PLXDC2: variants seen among roughly 807,000 people sequenced by gnomAD.
The protein encoded by PLXDC2 is plexin domain-containing protein 2.
PLXDC2 carries 40 observed loss-of-function variants against 68.9 expected under a neutral mutation model. The ratio of observed to expected loss-of-function variants is 0.58; its 90% CI spans 0.45 to 0.76. PLXDC2 has a LOEUF of 0.76. Among genes scored for constraint, PLXDC2 ranks in the 30% least tolerant of loss-of-function variants. The probability of loss-of-function intolerance (pLI) is 0.00; values close to 1 mark genes in which losing one functional copy is unlikely to be tolerated. For synonymous variants in PLXDC2, 243 were observed against 234.2 expected, an observed-to-expected ratio of 1.04 and a Z score of -0.34; for missense variants, 644 against 661.9, an observed-to-expected ratio of 0.97 and a Z score of 0.30.
At chr10:19,847,520 A>G (rs188959525) in intron 1 of PLXDC2, among the ~76,000 whole-genome samples, 1 of 152,056 alleles carries the variant, frequency 6.6e-6, no homozygotes, top group South Asian at 2.1e-4. Context: ...TATAAGAAGA[A>G]CTCTGGGCTT....
At chr10:19,829,027 A>G (rs1836629882) in intron 1 of PLXDC2, among the ~76,000 whole-genome samples, 1 of 152,064 alleles carries the variant, frequency 6.6e-6, no homozygotes, top group South Asian at 2.1e-4. Context: ...TGCTGAAGGT[A>G]TCTGGTCCTG....
chr10:19,883,681 T>G (rs1266701538), intron 1 of PLXDC2, among the ~76,000 whole-genome samples: 5 of 150,900 alleles, frequency 3.3e-5, no homozygotes, highest in Middle Eastern at 3.5e-3. Flanking sequence ...TGTTTCTTTC[T>G]GCTTTCTTCA....
intron 1 of PLXDC2, among the ~76,000 whole-genome samples, chr10:19,906,518 T>C (rs965020677): frequency 1.3e-5 from 2 of 152,168 alleles, no homozygotes; most frequent in African/African-American, 4.8e-5. Context: ...TAGTTGCCTG[T>C]TACATGACTC....
intron 4 of PLXDC2, among the ~76,000 whole-genome samples, chr10:20,070,363 G>A (rs1836295107): frequency 6.6e-6 from 1 of 152,160 alleles, no homozygotes. Context: ...TCAACCCAAG[G>A]AAAAGGAATC....
At chr10:19,818,189 C>A (rs1160979991) in intron 1 of PLXDC2, among the ~76,000 whole-genome samples, 1 of 151,882 alleles carries the variant, frequency 6.6e-6, no homozygotes, top group Non-Finnish European at 1.5e-5. Flanking sequence ...CGAAAACTTT[C>A]TCCCTAGGAT....
chr10:19,959,147 T>A (rs34038979), intron 1 of PLXDC2, among the ~76,000 whole-genome samples: 33,885 of 152,124 alleles, frequency 0.22, 4,531 homozygotes, highest in East Asian at 0.46. Flanking sequence ...CCTGAGATGT[T>A]GAGCAGTTTA....
intron 7 of PLXDC2, among the ~76,000 whole-genome samples, chr10:20,172,039 C>T (rs776995223): frequency 6.6e-6 from 1 of 151,746 alleles, no homozygotes; most frequent in Non-Finnish European, 1.5e-5. Flanking sequence ...GCACAGACTT[C>T]ACTACTACAC....
intron 1 of PLXDC2, among the ~76,000 whole-genome samples, chr10:19,925,962 G>A (rs774679418): frequency 2.6e-5 from 4 of 152,198 alleles, no homozygotes; most frequent in Non-Finnish European, 5.9e-5. Flanking sequence ...TGGCATTAGA[G>A]AGCTCCCACA....
At position 20,218,975 on chromosome 10, in the gene PLXDC2, G is replaced by A; in HGVS notation, c.1274-89G>A. ...AAAATCTAGTCATGTTCCGACCAAG[G>A]CAGTTAGTAGACAATTACTAGTCAT... is the stretch of plus-strand genomic sequence containing the variant. On this transcript the variant is annotated intron_variant, in intron 11 of 13. Coordinates refer to ENST00000377252, the MANE Select transcript of PLXDC2 (RefSeq NM_032812.9). 3.6e-6 allele frequency: 5 copies of A among 1,398,544 alleles called. No individual in the cohort carries two copies. The Admixed American group carries it at 8.2e-5, about 23-fold the overall frequency. 86.6% of individuals were successfully genotyped at this position (1,398,544 alleles called of 1,614,324 possible).
At chr10:20,041,251 A>G (rs900097342) in intron 2 of PLXDC2, among the ~76,000 whole-genome samples, 1 of 152,178 alleles carries the variant, frequency 6.6e-6, no homozygotes, top group African/African-American at 2.4e-5. Flanking sequence ...GTATATTTGT[A>G]TGTGTTAGAA....
rs1382404170 is a variant in PLXDC2 at position 20,287,349 on chromosome 10, A to G, written c.*7530A>G. The G allele has an allele frequency of 6.6e-6, 1 of 152,198 alleles. No homozygotes were observed. 9.4% of individuals were successfully genotyped at this position (152,198 alleles called of 1,614,324 possible). A position where few individuals can be genotyped will look rare whatever the true frequency, so the allele number is the denominator to read the frequency against. On this transcript the variant is annotated 3_prime_UTR_variant, in exon 14 of 14. Coordinates refer to ENST00000377252, the MANE Select transcript of PLXDC2 (RefSeq NM_032812.9). ...CTTAAAAGGCATGAAAATAAGGCAA[A>G]AAAATCAATAAAATAATTTTCCTGA...
intron 6 of PLXDC2, among the ~76,000 whole-genome samples, chr10:20,154,582 A>G (rs1212870773): frequency 6.6e-6 from 1 of 150,424 alleles, no homozygotes; most frequent in African/African-American, 2.5e-5. Flanking sequence ...AAAAAAATGT[A>G]TTTAAAAAAT....
rs566209676 is a variant in PLXDC2, at chr10:19,906,109, A to G, written c.112+88918A>G. Among the ~76,000 whole-genome samples the G allele has an allele frequency of 3.3e-5, 5 of 152,302 alleles. No homozygotes were observed. In the South Asian group the frequency reaches 6.2e-4, roughly 19 times the overall value. On this transcript the variant is annotated intron_variant, in intron 1 of 13. Transcript: ENST00000377252. ...GGCATGTTAGACAGTAATGAGTGGT[A>G]TGGAGCAAAATAAAGAAGAGAGAGG...
At chr10:19,919,031 T>C (rs1833416144) in intron 1 of PLXDC2, among the ~76,000 whole-genome samples, 1 of 152,182 alleles carries the variant, frequency 6.6e-6, no homozygotes, top group African/African-American at 2.4e-5. Flanking sequence ...GGGCAGATTG[T>C]GAGAAGCGCA....
At chr10:20,038,846 T>C (rs1251272307) in intron 2 of PLXDC2, among the ~76,000 whole-genome samples, 1 of 152,180 alleles carries the variant, frequency 6.6e-6, no homozygotes, top group Non-Finnish European at 1.5e-5. Context: ...AAGGTGGAGA[T>C]TCAGGGGTGG....
Position 20,002,006 on chromosome 10 carries a change from A to AATTGAAATGGATTAATGAATTT in PLXDC2, c.324+24_324+45dup, listed in dbSNP as rs1564653256. The stretch of plus-strand genomic sequence containing the variant: ...ATCGAGGTAGATAAATAGTCTGGGT[A>AATTGAAATGGATTAATGAATTT]ATTGAAATGGATTAATGAATTTATT... On this transcript the variant is annotated intron_variant, in intron 2 of 13. Transcript: ENST00000377252. 1 of 1,602,614 alleles carries AATTGAAATGGATTAATGAATTT rather than the reference A, an allele frequency of 6.2e-7. No individual in the cohort carries two copies. Among genetic ancestry groups the AATTGAAATGGATTAATGAATTT allele is most frequent in the South Asian group, 1.1e-5 (1 of 89,680 alleles).
intron 2 of PLXDC2, among the ~76,000 whole-genome samples, chr10:20,003,345 T>C (rs1834973755): frequency 6.6e-6 from 1 of 152,144 alleles, no homozygotes. Context: ...GGAAGGTTTT[T>C]GGTGAAAAAT....
At chr10:19,882,724 T>C (rs1019221726) in intron 1 of PLXDC2, among the ~76,000 whole-genome samples, 5 of 152,208 alleles carry the variant, frequency 3.3e-5, no homozygotes, top group African/African-American at 9.6e-5. Flanking sequence ...CAGTAGCATA[T>C]GTCAGAAAGA....
chr10:20,226,034 A>C (rs1257313628), intron 12 of PLXDC2, among the ~76,000 whole-genome samples: 1 of 152,198 alleles, frequency 6.6e-6, no homozygotes, highest in East Asian at 1.9e-4. Context: ...CCACACTTGG[A>C]GTATCAAGAG....
Sources: allele counts gnomAD v4.1 joint callset (sites outside exome capture counted in the v4.1 genomes callset), GRCh38; gene constraint gnomAD v4.1.1; transcripts MANE v1.5; gene names NCBI Gene and HGNC (gene_info 2026-07-23, HGNC 2026-07-21).